MCU: variants seen among roughly 807,000 people sequenced by gnomAD.
MCU encodes the protein calcium uniporter protein, mitochondrial.
MCU carries 12 observed loss-of-function variants against 45.2 expected under a neutral mutation model. That is an observed-to-expected ratio of 0.27 (90% CI 0.17 to 0.43). MCU has a LOEUF of 0.43. MCU is among the 20% of genes least tolerant of loss of function. The pLI, the probability that MCU is intolerant of heterozygous loss-of-function variation, is 1.00. For synonymous variants in MCU, 160 were observed against 165.1 expected (o/e 0.97, Z 0.24); for missense variants, 324 against 436.7 (o/e 0.74, Z 2.30).
At chr10:72,813,184 A>G (rs927748002) in intron 1 of MCU, among the ~76,000 whole-genome samples, 7 of 152,188 alleles carry the variant, frequency 4.6e-5, no homozygotes, top group African/African-American at 1.2e-4. Flanking sequence ...GGTAGAACCC[A>G]TTGGAACATA....
chr10:72,721,610 A>G (rs1029261651), intron 1 of MCU, among the ~76,000 whole-genome samples: 1 of 152,192 alleles, frequency 6.6e-6, no homozygotes, highest in Non-Finnish European at 1.5e-5. Context: ...TCTCCTGAAT[A>G]TATACAGGTT....
At chr10:72,750,896 TGC>T (rs749102645) in intron 1 of MCU, among the ~76,000 whole-genome samples, 3 of 152,282 alleles carry the variant, frequency 2.0e-5, no homozygotes, top group Non-Finnish European at 2.9e-5. Flanking sequence ...ACATTTATGT[TGC>T]TTATTTAGCT....
chr10:72,863,681 A>G (rs570806880), intron 4 of MCU, among the ~76,000 whole-genome samples: 1 of 152,246 alleles, frequency 6.6e-6, no homozygotes, highest in East Asian at 1.9e-4. Context: ...CAGCAGTGCA[A>G]TCTCAGCTCA....
intron 1 of MCU, among the ~76,000 whole-genome samples, chr10:72,791,552 C>T (rs1844160793): frequency 6.6e-6 from 1 of 152,024 alleles, no homozygotes; most frequent in South Asian, 2.1e-4. Flanking sequence ...CCTTTTCTTT[C>T]TCTTTCTTTG....
At chr10:72,707,404 G>A (rs1264084435) in intron 1 of MCU, among the ~76,000 whole-genome samples, 1 of 151,700 alleles carries the variant, frequency 6.6e-6, no homozygotes, top group Non-Finnish European at 1.5e-5. Context: ...TCACCTTTTT[G>A]GCCAGGCTGG....
intron 2 of MCU, among the ~76,000 whole-genome samples, chr10:72,841,698 A>G (rs1483472412): frequency 5.3e-5 from 8 of 152,200 alleles, no homozygotes; most frequent in Admixed American, 5.2e-4. Context: ...TCAGAGGAGA[A>G]AGCAGCTCCA....
chr10:72,751,341 C>CTTCT (rs1474252109), intron 1 of MCU, among the ~76,000 whole-genome samples: 2 of 44,742 alleles, frequency 4.5e-5, no homozygotes, highest in Non-Finnish European at 8.3e-5. Context: ...TCTTCTTCTT[C>CTTCT]TTTTTTTTTT....
chr10:72,784,319 C>T (rs550552931), intron 1 of MCU, among the ~76,000 whole-genome samples: 2 of 152,162 alleles, frequency 1.3e-5, no homozygotes, highest in African/African-American at 4.8e-5. Flanking sequence ...AAATGTTGCT[C>T]TGTTTTGATA....
At chr10:72,882,853 G>A (rs967464111) in intron 6 of MCU, among the ~76,000 whole-genome samples, 3 of 152,070 alleles carry the variant, frequency 2.0e-5, no homozygotes, top group Admixed American at 6.6e-5. Context: ...CTGGTTTTGC[G>A]GCTTGTGGGG....
At chr10:72,798,196 A>C (rs1018288735) in intron 1 of MCU, among the ~76,000 whole-genome samples, 1 of 152,224 alleles carries the variant, frequency 6.6e-6, no homozygotes, top group Admixed American at 6.5e-5. Context: ...TAACACGTAA[A>C]GGCAGAAAAA....
At chr10:72,692,398 C>T (rs1300796444) in intron 1 of MCU, 97 bp downstream of exon 1, 4 of 1,025,920 alleles carry the variant, frequency 3.9e-6, no homozygotes, top group East Asian at 1.3e-4. Context: ...GGCGAGTTAC[C>T]TCAACTCCCG....
chr10:72,805,101 C>CCCTT (rs1554824916), intron 1 of MCU, among the ~76,000 whole-genome samples: 3 of 103,398 alleles, frequency 2.9e-5, no homozygotes, highest in South Asian at 3.6e-4. Flanking sequence ...TTCTTTCTTT[C>CCCTT]TCTTTCTTTC....
chr10:72,714,833 A>G (rs548358493), intron 1 of MCU, among the ~76,000 whole-genome samples: 379 of 152,254 alleles, frequency 2.5e-3, no homozygotes, highest in Non-Finnish European at 4.1e-3. Flanking sequence ...GGCGTGAGCC[A>G]CTGCGCCCTG....
chr10:72,856,210 T>C (rs1258218612), intron 2 of MCU, among the ~76,000 whole-genome samples: 1 of 152,196 alleles, frequency 6.6e-6, no homozygotes, highest in Non-Finnish European at 1.5e-5. Flanking sequence ...TAATATAATC[T>C]GTGGTGACAA....
intron 4 of MCU, among the ~76,000 whole-genome samples, chr10:72,860,862 G>A (rs930156517): frequency 6.6e-6 from 1 of 151,982 alleles, no homozygotes; most frequent in Non-Finnish European, 1.5e-5. Flanking sequence ...ACATTGCAGG[G>A]GATATCTTTT....
chr10:72,857,006 G>A (rs1191209716), intron 2 of MCU, among the ~76,000 whole-genome samples: 1 of 149,792 alleles, frequency 6.7e-6, no homozygotes, highest in Non-Finnish European at 1.5e-5. Flanking sequence ...GAGTGCAGTG[G>A]CACAATCATA....
At chr10:72,854,593 A>G (rs1396758057) in intron 2 of MCU, among the ~76,000 whole-genome samples, 1 of 152,244 alleles carries the variant, frequency 6.6e-6, no homozygotes, top group East Asian at 1.9e-4. Flanking sequence ...GTAAAGATGT[A>G]TAACATAGAG....
At chr10:72,753,451 T>A (rs903296207) in intron 1 of MCU, among the ~76,000 whole-genome samples, 2 of 152,244 alleles carry the variant, frequency 1.3e-5, no homozygotes, top group African/African-American at 4.8e-5. Flanking sequence ...TCTTGTGCAG[T>A]AGGTGGTATT....
At chr10:72,831,908 G>A (rs1333373573) in intron 1 of MCU, among the ~76,000 whole-genome samples, 1 of 152,142 alleles carries the variant, frequency 6.6e-6, no homozygotes, top group Non-Finnish European at 1.5e-5. Flanking sequence ...AAGCGATGAA[G>A]TCAGAGATAA....
Sources: allele counts gnomAD v4.1 joint callset (sites outside exome capture counted in the v4.1 genomes callset), GRCh38; gene constraint gnomAD v4.1.1; transcripts MANE v1.5; gene names NCBI Gene and HGNC (gene_info 2026-07-23, HGNC 2026-07-21).